The following TIA1 variants were observed in gnomAD, a reference collection of about 807,000 sequenced individuals.
TIA1 encodes TIA1 cytotoxic granule associated RNA binding protein.
In TIA1, 23 loss-of-function variants were observed where a neutral mutation model predicts 65.9. The ratio of observed to expected loss-of-function variants is 0.35; its 90% CI spans 0.25 to 0.49. The LOEUF (loss-of-function observed/expected upper bound fraction) is 0.49, where lower values mean the gene tolerates loss of function less well. Among genes scored for constraint, TIA1 ranks in the 20% least tolerant of loss-of-function variants. The pLI, the probability that TIA1 is intolerant of heterozygous loss-of-function variation, is 0.98. For synonymous variants in TIA1, 147 were observed against 149.4 expected, an observed-to-expected ratio of 0.98 and a Z score of 0.12; for missense variants, 371 against 477.9, an observed-to-expected ratio of 0.78 and a Z score of 2.09.
chr2:70,221,326 TG>T (rs1437207396), intron 7 of TIA1, among the ~76,000 whole-genome samples: 1 of 151,548 alleles, frequency 6.6e-6, no homozygotes, highest in Non-Finnish European at 1.5e-5. Flanking sequence ...AAAAATTAGG[TG>T]GGCATGGTGG....
chr2:70,248,724 T>G, upstream of TIA1: 1 of 481,686 alleles, frequency 2.1e-6, no homozygotes, highest in Non-Finnish European at 3.7e-6. Context: ...CGGCTACACC[T>G]TAATCCATAG....
intron 2 of TIA1, among the ~76,000 whole-genome samples, chr2:70,235,280 T>G (rs1026075632): frequency 6.6e-6 from 1 of 151,958 alleles, no homozygotes; most frequent in African/African-American, 2.4e-5. Context: ...CCAGGTGTAG[T>G]GGCGCATGCC....
At chr2:70,224,062 C>A (rs867842859) in intron 7 of TIA1, among the ~76,000 whole-genome samples, 1 of 152,024 alleles carries the variant, frequency 6.6e-6, no homozygotes, top group Admixed American at 6.6e-5. Context: ...GGACTACAGG[C>A]GCCTGCCACC....
chr2:70,222,868 T>C (rs537701806), intron 7 of TIA1, among the ~76,000 whole-genome samples: 1 of 152,302 alleles, frequency 6.6e-6, no homozygotes, highest in South Asian at 2.1e-4. Flanking sequence ...GAGCCGAAAT[T>C]GCGCCATTGC....
Position 70,213,351 on chromosome 2 carries a change from T to C in TIA1, c.1035-506A>G. 2.0e-5 allele frequency among the ~76,000 whole-genome samples: 3 copies of C among 151,818 alleles called. No homozygotes were observed. In the South Asian group the frequency reaches 6.2e-4, roughly 31 times the overall value. Reference sequence around the variant, plus strand: ...CAAGATTTTCTTTTCTTTTCTTTTTTTTTTTTTTTTAAGACAGGTTTTCAT... The same window carrying C: ...CAAGATTTTCTTTTCTTTTCTTTTTCTTTTTTTTTTAAGACAGGTTTTCAT... On this transcript the variant is annotated intron_variant, in intron 12 of 12. Coordinates refer to ENST00000433529, the MANE Select transcript of TIA1 (RefSeq NM_022173.4).
intron 2 of TIA1, 34 bp from the exon 3 acceptor site, chr2:70,230,888 G>C: frequency 1.3e-6 from 2 of 1,532,358 alleles, no homozygotes; most frequent in Non-Finnish European, 1.8e-6. Flanking sequence ...CCAATTTTAA[G>C]CTTTATTCAC....
intron 1 of TIA1, among the ~76,000 whole-genome samples, chr2:70,237,813 C>T (rs1289077811): frequency 6.6e-6 from 1 of 151,586 alleles, no homozygotes; most frequent in Non-Finnish European, 1.5e-5. Flanking sequence ...TTGCAACGAG[C>T]CCCGATCACG....
chr2:70,222,208 G>C (rs1681748643), intron 7 of TIA1, among the ~76,000 whole-genome samples: 1 of 152,170 alleles, frequency 6.6e-6, no homozygotes, highest in African/African-American at 2.4e-5. Flanking sequence ...AGGCAAGAGA[G>C]ATGGGGACAC....
chr2:70,229,185 G>A (rs757184603), intron 4 of TIA1, 79 bp downstream of exon 4: 2 of 1,582,574 alleles, frequency 1.3e-6, no homozygotes, highest in Admixed American at 1.7e-5. Flanking sequence ...CTGCAAACAT[G>A]TATGATGTTT....
intron 1 of TIA1, among the ~76,000 whole-genome samples, 194 bp from the exon 2 acceptor site, chr2:70,236,369 T>G (rs1688955000): frequency 6.6e-6 from 1 of 152,046 alleles, no homozygotes; most frequent in South Asian, 2.1e-4. Flanking sequence ...CCAGCTAATT[T>G]TGTATTTTTA....
intron 2 of TIA1, among the ~76,000 whole-genome samples, chr2:70,234,947 C>T (rs1219851441): frequency 6.6e-6 from 1 of 152,048 alleles, no homozygotes; most frequent in Non-Finnish European, 1.5e-5. Flanking sequence ...TACACACATA[C>T]ATGATTGTCT....
In TIA1 at chr2:70,236,060, C is replaced by CT. The variant is rs1688771010; in HGVS notation, c.123+18dup. 1 of 1,434,526 alleles carries CT rather than the reference C, an allele frequency of 7.0e-7. No homozygotes were observed. The highest frequency in any genetic ancestry group is 1.2e-5 in the South Asian group (1 of 81,098). 88.9% of individuals were successfully genotyped at this position (1,434,526 alleles called of 1,614,324 possible). A position where few individuals can be genotyped will look rare whatever the true frequency, so the allele number is the denominator to read the frequency against. Reference sequence around the variant, plus strand: ...GTAAAAAAAAAAAGAATAAAGTTAACTAAGTAAAATACCCTTACATCCATA... The same window carrying CT: ...GTAAAAAAAAAAAGAATAAAGTTAACTTAAGTAAAATACCCTTACATCCATA... On this transcript the variant is annotated intron_variant, in intron 2 of 12. Transcript: ENST00000433529.
chr2:70,222,512 G>GT (rs1681916031), intron 7 of TIA1, among the ~76,000 whole-genome samples: 1 of 152,170 alleles, frequency 6.6e-6, no homozygotes. Flanking sequence ...GAGGCTGGGG[G>GT]TAATTGCAAT....
At chr2:70,224,668 T>C in intron 6 of TIA1, 39 bp from the exon 7 acceptor site, 1 of 1,605,878 alleles carries the variant, frequency 6.2e-7, no homozygotes. Context: ...GTTTGCAAAC[T>C]ATCCTCTGGA....
At chr2:70,218,703 G>C (rs1003922483) in intron 7 of TIA1, among the ~76,000 whole-genome samples, 37 of 152,220 alleles carry the variant, frequency 2.4e-4, no homozygotes, top group Non-Finnish European at 1.2e-4. Flanking sequence ...AAAGTGCTGG[G>C]ATTACAGGCG....
At chr2:70,247,490 G>A (rs192636496) in intron 1 of TIA1, among the ~76,000 whole-genome samples, 1 of 152,264 alleles carries the variant, frequency 6.6e-6, no homozygotes, top group Non-Finnish European at 1.5e-5. Context: ...GCTATGTCAA[G>A]AACTCATTGA....
chr2:70,237,287 A>G (rs1385048034), intron 1 of TIA1, among the ~76,000 whole-genome samples: 1 of 152,208 alleles, frequency 6.6e-6, no homozygotes, highest in Non-Finnish European at 1.5e-5. Context: ...CTGTAAACCC[A>G]GCTACTTGGG....
At chr2:70,234,401 A>AT (rs750429000) in intron 2 of TIA1, among the ~76,000 whole-genome samples, 1 of 151,958 alleles carries the variant, frequency 6.6e-6, no homozygotes. Flanking sequence ...GGGTACATGG[A>AT]TTTTTTCTCC....
At chr2:70,217,384 C>G (rs1466682275) in intron 7 of TIA1, among the ~76,000 whole-genome samples, 2 of 147,174 alleles carry the variant, frequency 1.4e-5, no homozygotes, top group Non-Finnish European at 3.0e-5. Context: ...ATTGGCCAGG[C>G]TGGTCTCGAA....
Sources: gnomAD v4.1 joint callset for allele counts (sites outside exome capture counted in the v4.1 genomes callset) on GRCh38, gnomAD v4.1.1 for gene constraint, MANE v1.5 for transcripts, NCBI Gene and HGNC (gene_info 2026-07-23, HGNC 2026-07-21) for gene names.